Variants in PCDHA7 observed in about 807,000 individuals in gnomAD.
PCDHA7 encodes protocadherin alpha-7.
In PCDHA7, 37 loss-of-function variants were observed where a neutral mutation model predicts 57.2. The observed-to-expected ratio is 0.65, with a 90% confidence interval of 0.50 to 0.85. The LOEUF is 0.85. PCDHA7 is among the 40% of genes least tolerant of loss of function. The probability of loss-of-function intolerance (pLI) is 0.00; values close to 1 mark genes in which losing one functional copy is unlikely to be tolerated. For missense variants in PCDHA7, 1,188 were observed against 1,241.8 expected, an observed-to-expected ratio of 0.96 and a Z score of 0.65; for synonymous variants, 553 against 558.8, an observed-to-expected ratio of 0.99 and a Z score of 0.15.
At chr5:140,968,634 A>T (rs782166097) in intron 1 of PCDHA7, 7 of 1,614,176 alleles carry the variant, frequency 4.3e-6, no homozygotes, top group Non-Finnish European at 5.9e-6. Flanking sequence ...CTTTTTTACC[A>T]TCTAGCCCAG....
rs560485194 is a variant in PCDHA7 at position 140,872,763 on chromosome 5, G to A, written c.2355+36025G>A. ...AACTTGCTAAAGACATGCATATAGG[G>A]CTATATTATCTATAATATATGCTAG... On this transcript the variant is annotated intron_variant, in intron 1 of 3. Coordinates refer to ENST00000525929, the MANE Select transcript of PCDHA7 (RefSeq NM_018910.3). 2.0e-5 allele frequency among the ~76,000 whole-genome samples: 3 copies of A among 152,126 alleles called. No homozygotes were observed. The South Asian group carries it at 6.2e-4, about 32-fold the overall frequency.
At chr5:140,908,933 C>T (rs1554193565) in intron 1 of PCDHA7, among the ~76,000 whole-genome samples, 1 of 152,186 alleles carries the variant, frequency 6.6e-6, no homozygotes, top group East Asian at 1.9e-4. Context: ...AATGCAGCAA[C>T]TTATCCTTCA....
chr5:140,871,553 GT>G lies in PCDHA7; in HGVS notation c.2355+34823del, dbSNP rs555355563. 1.1e-3 allele frequency: 1,577 copies of G among 1,491,202 alleles called. 1 individual carries two copies. The highest frequency in any genetic ancestry group is 2.7e-3 in the Middle Eastern group (15 of 5,580). 92.4% of individuals were successfully genotyped at this position (1,491,202 alleles called of 1,614,324 possible). On this transcript the variant is annotated intron_variant, in intron 1 of 3. Transcript: ENST00000525929. ...TGTATGTGAAATTATTTAAAATCCA[GT>G]TTTTTTTCACGGATTTTTTAAGGGA...
rs2054438060 is a variant in PCDHA7 at position 140,873,702 on chromosome 5, C to T, written c.2355+36964C>T. 9.2e-5 allele frequency among the ~76,000 whole-genome samples: 14 copies of T among 152,214 alleles called. No individual in the cohort carries two copies. In the South Asian group the frequency reaches 2.9e-3, roughly 32 times the overall value. ...TTGAGATAGAGTCTTGCTCTATCAC[C>T]CAGGCTGGTGTGCAGTGGCGCAATC... On this transcript the variant is annotated intron_variant, in intron 1 of 3. Transcript: ENST00000525929.
chr5:140,924,531 G>A (rs1194516404), intron 1 of PCDHA7, among the ~76,000 whole-genome samples: 2 of 152,070 alleles, frequency 1.3e-5, no homozygotes, highest in African/African-American at 2.4e-5. Flanking sequence ...GAGAATGCCC[G>A]AGCTACCCCT....
chr5:140,870,319 T>C (rs782623881), intron 1 of PCDHA7: 3 of 1,614,162 alleles, frequency 1.9e-6, no homozygotes, highest in Non-Finnish European at 2.5e-6. Context: ...TTACTACTCG[T>C]TGGTGCTGGA....
At position 140,924,894 on chromosome 5, in the gene PCDHA7, C is replaced by CAAAAAA. The variant is rs782133089; in HGVS notation, c.2356-54049_2356-54044dup. Among the ~76,000 whole-genome samples, 6 of 71,470 alleles carry CAAAAAA rather than the reference C, an allele frequency of 8.4e-5. No homozygotes were observed. In the East Asian group the frequency reaches 2.6e-3, roughly 31 times the overall value. 46.9% of individuals were successfully genotyped at this position (71,470 alleles called of 152,430 possible). A position where few individuals can be genotyped will look rare whatever the true frequency, so the allele number is the denominator to read the frequency against. On this transcript the variant is annotated intron_variant, in intron 1 of 3. Transcript: ENST00000525929. ...TGGGTGACAGAGCAAGAACCTGTCT[C>CAAAAAA]AAAAAAAAAAATAAAATAAAATAAA... is the stretch of plus-strand genomic sequence containing the variant.
chr5:140,858,383 A>G lies in PCDHA7; in HGVS notation c.2355+21645A>G, dbSNP rs181849631. Reference sequence around the variant, plus strand: ...CAGCCCCAGCCTTCCACCATGCCCAATGGTAGATGTGGACGGGGAAGATCA... The same window carrying G: ...CAGCCCCAGCCTTCCACCATGCCCAGTGGTAGATGTGGACGGGGAAGATCA... On this transcript the variant is annotated intron_variant, in intron 1 of 3. Transcript: ENST00000525929. 1,813 of 1,584,980 alleles carry G rather than the reference A, an allele frequency of 1.1e-3. 172 individuals are homozygous for G. Among genetic ancestry groups the G allele is most frequent in the Non-Finnish European group, 1.3e-3 (1,523 of 1,159,242 alleles).
intron 1 of PCDHA7, among the ~76,000 whole-genome samples, chr5:140,944,592 C>T (rs1225606041): frequency 2.6e-5 from 4 of 152,086 alleles, no homozygotes; most frequent in Non-Finnish European, 4.4e-5. Flanking sequence ...CAGAATTTCC[C>T]TGGGTAGAGT....
At chr5:140,950,458 A>G (rs568340492) in intron 1 of PCDHA7, among the ~76,000 whole-genome samples, 5 of 152,142 alleles carry the variant, frequency 3.3e-5, no homozygotes, top group Admixed American at 2.6e-4. Flanking sequence ...CTGTCTTCTA[A>G]TGCTCATAGT....
chr5:140,967,756 C>T (rs1554229911), intron 1 of PCDHA7: 2 of 1,614,216 alleles, frequency 1.2e-6, no homozygotes, highest in Middle Eastern at 1.6e-4. Context: ...AAGCCTCCTC[C>T]TACCAGATCT....
chr5:140,845,791 T>C (rs1780035450), intron 1 of PCDHA7, among the ~76,000 whole-genome samples: 1 of 149,740 alleles, frequency 6.7e-6, no homozygotes, highest in Admixed American at 6.7e-5. Flanking sequence ...AATAATAAAC[T>C]CTGGCAAGTG....
chr5:140,855,813 T>A (rs2043631842), intron 1 of PCDHA7: 2 of 511,660 alleles, frequency 3.9e-6, no homozygotes. Flanking sequence ...AAAGAAAAGT[T>A]GTGAACTCAT....
intron 1 of PCDHA7, among the ~76,000 whole-genome samples, chr5:140,873,824 C>A (rs1411429273): frequency 6.6e-6 from 1 of 152,118 alleles, no homozygotes; most frequent in Non-Finnish European, 1.5e-5. Flanking sequence ...CCACTCCTGG[C>A]TAATTTTTGT....
At chr5:140,928,201 G>C in intron 1 of PCDHA7, 1 of 1,614,242 alleles carries the variant, frequency 6.2e-7, no homozygotes, top group Non-Finnish European at 8.5e-7. Context: ...GTCAGTTGCT[G>C]ATGTGAATGA....
chr5:140,910,022 C>G (rs2074840302), intron 1 of PCDHA7, among the ~76,000 whole-genome samples: 1 of 152,174 alleles, frequency 6.6e-6, no homozygotes, highest in South Asian at 2.1e-4. Context: ...CCTTGTATCC[C>G]TGGGATAAAT....
At chr5:140,852,355 G>A in intron 1 of PCDHA7, 1 of 208,524 alleles carries the variant, frequency 4.8e-6, no homozygotes, top group Non-Finnish European at 9.3e-6. Context: ...TTGGCTCACT[G>A]CAACGTCTGC....
rs1284021507 is a variant in PCDHA7 at position 140,883,838 on chromosome 5, G to A, written c.2355+47100G>A. The A allele has an allele frequency of 1.9e-6, 3 of 1,612,620 alleles. No individual in the cohort carries two copies. In the Admixed American group the frequency reaches 5.0e-5, roughly 27 times the overall value. ...CAAGGTGTACGCGCTGCAGCCGTTG[G>A]ACCACGAGGAGCTGGAGCTGTTGCA... On this transcript the variant is annotated intron_variant, in intron 1 of 3. Coordinates refer to ENST00000525929, the MANE Select transcript of PCDHA7 (RefSeq NM_018910.3).
intron 1 of PCDHA7, among the ~76,000 whole-genome samples, chr5:140,924,695 G>C (rs1190287077): frequency 2.6e-5 from 4 of 152,024 alleles, no homozygotes; most frequent in African/African-American, 9.7e-5. Context: ...AGGAGTTCGA[G>C]ACCAGCTTGT....
Sources: allele counts gnomAD v4.1 joint callset (sites outside exome capture counted in the v4.1 genomes callset), GRCh38; gene constraint gnomAD v4.1.1; transcripts MANE v1.5; gene names NCBI Gene and HGNC (gene_info 2026-07-23, HGNC 2026-07-21).